DNAH2: variants seen among roughly 807,000 people sequenced by gnomAD.
DNAH2 encodes axonemal beta dynein heavy chain 2.
In DNAH2, 323 loss-of-function variants were observed where a neutral mutation model predicts 523.5. The observed-to-expected ratio is 0.62, with a 90% CI of 0.56 to 0.68. The LOEUF is 0.68. Among genes scored for constraint, DNAH2 ranks in the 30% least tolerant of loss-of-function variants. DNAH2 has a pLI of 0.00. For missense variants in DNAH2, 4,907 were observed against 5,701.5 expected (o/e 0.86, Z 4.49); for synonymous variants, 2,093 against 2,177.4 (o/e 0.96, Z 1.08).
rs139814761 is a variant in DNAH2 at position 7,751,688 on chromosome 17, T to C, written c.1905-5403T>C. Among the ~76,000 whole-genome samples the C allele has an allele frequency of 5.8e-3, 887 of 152,254 alleles. 3 individuals carry two copies. The highest frequency in any genetic ancestry group is 0.01 in the Non-Finnish European group (688 of 68,026). ...GATTCTCTATTCTGGTATCTGTCTATTCATGTGCAGGAACCAAACTGTTTT... is the reference window on the plus strand; with the variant it reads ...GATTCTCTATTCTGGTATCTGTCTACTCATGTGCAGGAACCAAACTGTTTT... On this transcript the variant is annotated intron_variant, in intron 12 of 85. Transcript: ENST00000572933.
rs964987449 is a variant in DNAH2 at position 7,734,342 on chromosome 17, G to A, written c.739+49G>A. The A allele has an allele frequency of 5.6e-6, 9 of 1,605,668 alleles. No homozygotes were observed. The African/African-American group carries it at 8.0e-5, about 14-fold the overall frequency. ...TCACCTGGCGATCACAGGGGAGAGGGAAAGGGGAGGCTCGGATGCTGACAA... is the reference window on the plus strand; with the variant it reads ...TCACCTGGCGATCACAGGGGAGAGGAAAAGGGGAGGCTCGGATGCTGACAA... On this transcript the variant is annotated intron_variant, in intron 6 of 85. Transcript: ENST00000572933.
Position 7,740,481 on chromosome 17 carries a change from G to A in DNAH2, c.1438G>A (p.Glu480Lys), listed in dbSNP as rs777365387. 1.9e-6 allele frequency: 3 copies of A among 1,614,188 alleles called. No individual in the cohort carries two copies. Among genetic ancestry groups the A allele is most frequent in the Admixed American group, 1.7e-5 (1 of 60,024 alleles). ...MTQNLITSAF[E>K]LVRDVPHGVL... ...CCAGAACCTGATCACCTCAGCCTTCGAGTTGGTGCGGGACGTGCCGCACGG... is the reference window on the plus strand; with the variant it reads ...CCAGAACCTGATCACCTCAGCCTTCAAGTTGGTGCGGGACGTGCCGCACGG... Residue 480 changes from glutamate to lysine, a missense_variant, in exon 10 of 86, where the codon GAG (glutamate) becomes AAG (lysine). Physicochemically the swap from Glu to Lys is moderately conservative, Grantham distance 56. Around this residue, in one of 3 missense-constraint regions of DNAH2, gnomAD observed 2,806 missense variants for 3,190.8 expected, o/e 0.88. Transcript: ENST00000572933.
intron 63 of DNAH2, among the ~76,000 whole-genome samples, chr17:7,812,495 G>A (rs567273101): frequency 1.3e-5 from 2 of 151,970 alleles, no homozygotes; most frequent in Non-Finnish European, 2.9e-5. Flanking sequence ...GCGCACACCT[G>A]TAGTTCCAGC....
rs1475921538 is a variant in DNAH2, at chr17:7,780,990, A to G, written c.6004-52A>G. On this transcript the variant is annotated intron_variant, in intron 38 of 85. Transcript: ENST00000572933. The surrounding 1 kb of genome is among the most constrained non-coding windows in gnomAD (Gnocchi z 4.4). ...GTGCCCCGAAGCCCTTTGGAGGTGA[A>G]AGGCCTAGGCCCTGCCTCCTCAAGC... 5 of 1,612,216 alleles carry G rather than the reference A, an allele frequency of 3.1e-6. No individual in the cohort carries two copies. The Admixed American group carries it at 8.3e-5, about 27-fold the overall frequency.
At position 7,737,045 on chromosome 17, in the gene DNAH2, T is replaced by C. The variant is rs775362445; in HGVS notation, c.979-22T>C. The C allele has an allele frequency of 5.0e-6, 8 of 1,604,114 alleles. 1 individual carries two copies. The Admixed American group carries it at 8.5e-5, about 17-fold the overall frequency. On this transcript the variant is annotated intron_variant, in intron 7 of 85. Transcript: ENST00000572933. ...GTGCTTTCTAGTGCATAAATCTATT[T>C]CTCATCTCTCTTTACTGCCAGGATG...
rs746675368 is a variant in DNAH2 at position 7,833,120 on chromosome 17, G to A, written c.13028G>A (p.Arg4343Gln). The change falls in exon 85 of 86, where the codon CGG (arginine) becomes CAG (glutamine). Residue 4343 changes from arginine (R) to glutamine (Q), a missense_variant. Around this residue, in one of 3 missense-constraint regions of DNAH2, gnomAD observed 1,851 missense variants for 2,139.4 expected, o/e 0.87. Transcript: ENST00000572933. ...GLYLEGAGWDRKNSCLVEAEP... is the reference protein window; with the variant it reads ...GLYLEGAGWDQKNSCLVEAEP... Reference sequence around the variant, plus strand: ...TACCTGGAAGGTGCTGGCTGGGACCGGAAGAACTCCTGCTTGGTGGAGGCA... The same window carrying A: ...TACCTGGAAGGTGCTGGCTGGGACCAGAAGAACTCCTGCTTGGTGGAGGCA... 2.2e-5 allele frequency: 35 copies of A among 1,612,712 alleles called. No homozygotes were observed. In the Admixed American group the frequency reaches 5.7e-4, roughly 26 times the overall value.
rs1200313860 is a variant in DNAH2 at position 7,830,209 on chromosome 17, A to G, written c.11854-91A>G. 1.2e-5 allele frequency: 17 copies of G among 1,392,418 alleles called. No homozygotes were observed. In the Admixed American group the frequency reaches 3.2e-4, roughly 26 times the overall value. 86.3% of individuals were successfully genotyped at this position (1,392,418 alleles called of 1,614,324 possible). On this transcript the variant is annotated intron_variant, in intron 77 of 85. Coordinates refer to ENST00000572933, the MANE Select transcript of DNAH2 (RefSeq NM_020877.5). Reference sequence around the variant, plus strand: ...CCCTTTCAGCCAGTGCCTTTGTGCAATGAAGAACCTCCACAACTGTACATG... The same window carrying G: ...CCCTTTCAGCCAGTGCCTTTGTGCAGTGAAGAACCTCCACAACTGTACATG...
In DNAH2 at chr17:7,817,782, C is replaced by T. The variant is rs1217853918; in HGVS notation, c.10170-8C>T. 5.6e-6 allele frequency: 9 copies of T among 1,614,064 alleles called. No individual in the cohort carries two copies. Among genetic ancestry groups the T allele is most frequent in the Non-Finnish European group, 7.6e-6 (9 of 1,180,012 alleles). On this transcript the variant is annotated splice_polypyrimidine_tract_variant and splice_region_variant and intron_variant, in intron 66 of 85. Coordinates refer to ENST00000572933, the MANE Select transcript of DNAH2 (RefSeq NM_020877.5). ...GGGCCTCACCTCTGACCTGTACTCC[C>T]CTTCCAGGTGGGCACTGATGATCGA...
rs370136085 is a variant in DNAH2 at position 7,741,228 on chromosome 17, T to TTCTC, written c.1689+244_1689+247dup. On this transcript the variant is annotated intron_variant, in intron 11 of 85. Transcript: ENST00000572933. ...TCTTTTCTTCCTTCCTTTCTTTTTT[T>TTCTC]TCTCTCTCTCTTTCTTTCTTTCTTT... Among the ~76,000 whole-genome samples the TTCTC allele has an allele frequency of 6.9e-3, 972 of 140,940 alleles. 42 individuals are homozygous for TTCTC. Among genetic ancestry groups the TTCTC allele is most frequent in the African/African-American group, 0.022 (831 of 38,020 alleles). The allele number at this position is 140,940 out of a possible 152,430, so 92.5% of individuals were successfully genotyped here. A position where few individuals can be genotyped will look rare whatever the true frequency, so the allele number is the denominator to read the frequency against.
Position 7,786,909 on chromosome 17 carries a change from A to T in DNAH2, c.6479A>T (p.Asp2160Val), listed in dbSNP as rs1183187655. 4 of 1,614,252 alleles carry T rather than the reference A, an allele frequency of 2.5e-6. No individual in the cohort carries two copies. In the Admixed American group the frequency reaches 5.0e-5, roughly 20 times the overall value. ...ACCATCTACTCAGATGAGAAACCCG[A>T]CGAGAAGTGGATCCTGTTCGATGGC... ...MRTACADEKP[D>V]EKWILFDGPV... is the part of the protein sequence containing the mutation. The change falls in exon 42 of 86, where the codon GAC (aspartate) becomes GTC (valine). Residue 2160 changes from aspartate (D) to valine (V), a missense_variant. Transcript: ENST00000572933. This position sits in a 1 kb window ranked among gnomAD's most constrained non-coding sequence, Gnocchi z 7.5.
At position 7,727,288 on chromosome 17, in the gene DNAH2, T is replaced by C. The variant is rs561549500; in HGVS notation, c.395T>C (p.Val132Ala). ...FGLKLELGMP[V>A]QTQNQLVYFI... ...CTGAAGCTAGAGCTGGGCATGCCTG[T>C]ACAGGTGCGTACCCTACATTCCCAG... Residue 132 changes from valine to alanine, a missense_variant, in exon 4 of 86, where the codon GTA becomes GCA. This residue lies in a region of DNAH2 where 2,806 missense variants were observed against 3,190.8 expected (regional missense o/e 0.88). Coordinates refer to ENST00000572933, the MANE Select transcript of DNAH2 (RefSeq NM_020877.5). The C allele has an allele frequency of 6.2e-7, 1 of 1,606,468 alleles. No individual in the cohort carries two copies. The highest frequency in any genetic ancestry group is 1.3e-5 in the African/African-American group (1 of 74,586).
Position 7,778,090 on chromosome 17 carries a change from G to A in DNAH2, c.5261G>A (p.Cys1754Tyr). 1 of 1,614,058 alleles carries A rather than the reference G, an allele frequency of 6.2e-7. No homozygotes were observed. The highest frequency in any genetic ancestry group is 2.2e-5 in the East Asian group (1 of 44,886). The part of the protein sequence containing the change: ...RFYWEKDLDD[C>Y]VIRQTNTQFQ... Reference sequence around the variant, plus strand: ...TGTTTTCCCCAGGATCTTGATGACTGTGTCATCCGCCAGACCAACACGCAA... The same window carrying A: ...TGTTTTCCCCAGGATCTTGATGACTATGTCATCCGCCAGACCAACACGCAA... Residue 1754 changes from cysteine (C) to tyrosine (Y), a missense_variant, in exon 34 of 86, where the codon TGT becomes TAT. By Grantham distance (194) the Cys-to-Tyr change is radical. Around this residue, in one of 3 missense-constraint regions of DNAH2, gnomAD observed 2,806 missense variants for 3,190.8 expected, o/e 0.88. Transcript: ENST00000572933.
intron 58 of DNAH2, among the ~76,000 whole-genome samples, chr17:7,802,963 G>A (rs191506039): frequency 2.6e-5 from 4 of 152,024 alleles, no homozygotes; most frequent in Admixed American, 2.0e-4. Context: ...ATGAGCCACC[G>A]TGCCCAGACT....
rs2077746567 is a variant in DNAH2, at chr17:7,818,398, C to T, written c.10474C>T (p.Pro3492Ser). Residue 3492 changes from proline (P) to serine (S), a missense_variant, in exon 69 of 86, where the codon CCC becomes TCC. This residue lies in a region of DNAH2 where 1,851 missense variants were observed against 2,139.4 expected (regional missense o/e 0.87). Coordinates refer to ENST00000572933, the MANE Select transcript of DNAH2 (RefSeq NM_020877.5). The part of the protein sequence containing the change: ...RFYITTKLSN[P>S]HYSPETSAKT... ...CTACATCACCACCAAGCTCTCCAAC[C>T]CCCACTACAGCCCAGAGACCTCAGC... 6.2e-7 allele frequency: 1 copy of T among 1,614,204 alleles called. No homozygotes were observed. The highest frequency in any genetic ancestry group is 8.5e-7 in the Non-Finnish European group (1 of 1,180,038).
rs757408482 is a variant in DNAH2 at position 7,776,135 on chromosome 17, G to A, written c.4933G>A (p.Glu1645Lys). Residue 1645 changes from glutamate to lysine, a missense_variant, in exon 31 of 86, where the codon GAG becomes AAG. Physicochemically the swap from Glu to Lys is moderately conservative, Grantham distance 56 (BLOSUM62 1). This residue lies in a region of DNAH2 where 2,806 missense variants were observed against 3,190.8 expected (regional missense o/e 0.88). Coordinates refer to ENST00000572933, the MANE Select transcript of DNAH2 (RefSeq NM_020877.5). ...FLNKRDKWVK[E>K]WAGQVVITAS... Reference sequence around the variant, plus strand: ...CAACAAGAGGGACAAATGGGTGAAGGAGTGGGCTGGCCAGGTGAGCTGGGG... The same window carrying A: ...CAACAAGAGGGACAAATGGGTGAAGAAGTGGGCTGGCCAGGTGAGCTGGGG... 3.7e-6 allele frequency: 6 copies of A among 1,613,652 alleles called. No homozygotes were observed. Among genetic ancestry groups the A allele is most frequent in the Admixed American group, 3.3e-5 (2 of 59,984 alleles).
intron 22 of DNAH2, 81 bp downstream of exon 22, chr17:7,766,562 G>T: frequency 1.4e-6 from 2 of 1,452,696 alleles, no homozygotes; most frequent in Non-Finnish European, 1.8e-6. Flanking sequence ...GCCCACAAAG[G>T]CAGTGGGAAG....
At chr17:7,764,535 A>G (rs2076100083) in intron 20 of DNAH2, among the ~76,000 whole-genome samples, 1 of 149,430 alleles carries the variant, frequency 6.7e-6, no homozygotes, top group Non-Finnish European at 1.5e-5. Flanking sequence ...ATCTTGGCCT[A>G]CTGCAACCTC....
chr17:7,775,691 C>CAAAAA (rs1184382847), intron 30 of DNAH2, among the ~76,000 whole-genome samples: 1 of 82,860 alleles, frequency 1.2e-5, no homozygotes. Context: ...GTCTCAAAAC[C>CAAAAA]AAAAAAAAAA....
At position 7,831,721 on chromosome 17, in the gene DNAH2, G is replaced by A; in HGVS notation, c.12672G>A (p.Leu4224=). 1 of 1,614,142 alleles carries A rather than the reference G, an allele frequency of 6.2e-7. No individual in the cohort carries two copies. Among genetic ancestry groups the A allele is most frequent in the Non-Finnish European group, 8.5e-7 (1 of 1,180,040 alleles). The change falls in exon 82 of 86, where the codon CTG becomes CTA. Residue 4224 remains leucine (L), a synonymous_variant. Coordinates refer to ENST00000572933, the MANE Select transcript of DNAH2 (RefSeq NM_020877.5). This position sits in a 1 kb window ranked among gnomAD's most constrained non-coding sequence, Gnocchi z 4.2. The part of the protein sequence containing the change: ...IQGLIVMSTS[L]EEIFNCIFDA... ...GTCTCATCGTCATGTCTACAAGCCT[G>A]GAAGAGATTTTCAATTGCATCTTTG...
Sources: allele counts gnomAD v4.1 joint callset (sites outside exome capture counted in the v4.1 genomes callset), GRCh38; gene constraint gnomAD v4.1.1; regional missense constraint gnomAD v4.1.1; non-coding constraint Gnocchi (gnomAD v3.1); transcripts MANE v1.5; gene names NCBI Gene and HGNC (gene_info 2026-07-23, HGNC 2026-07-21).